LRP1B: variants seen among roughly 807,000 people sequenced by gnomAD.
The protein encoded by LRP1B is low-density lipoprotein receptor-related protein 1B.
A neutral mutation model predicts 556.6 loss-of-function variants in LRP1B; 217 were observed. That is an observed-to-expected ratio of 0.39 (90% confidence interval 0.35 to 0.44). The LOEUF (loss-of-function observed/expected upper bound fraction) is 0.44, where lower values mean the gene tolerates loss of function less well. Ranked by LOEUF, LRP1B falls within the 20% of genes least tolerant of loss-of-function variation. The pLI is 1.00. For synonymous variants in LRP1B, 2,047 were observed against 1,865.8 expected (o/e 1.10, Z -2.50); for missense variants, 5,053 against 5,620.8 (o/e 0.90, Z 3.23).
chr2:141,935,454 G>A (rs1265653268), intron 1 of LRP1B, among the ~76,000 whole-genome samples: 5 of 152,116 alleles, frequency 3.3e-5, no homozygotes, highest in African/African-American at 4.8e-5. Context: ...AAATTTCTTA[G>A]ATGGCCATTA....
In LRP1B at chr2:140,879,698, T is replaced by C. The variant is rs76855643; in HGVS notation, c.4169+4119A>G. Among the ~76,000 whole-genome samples, 575 of 152,172 alleles carry C rather than the reference T, an allele frequency of 3.8e-3. 1 individual carries two copies. The highest frequency in any genetic ancestry group is 0.02 in the Middle Eastern group (6 of 294). ...TTAAAATGCATTAGCATTTCAATAA[T>C]TGCATTATATCCTCAAGTATACAAA... On this transcript the variant is annotated intron_variant, in intron 25 of 90. Coordinates refer to ENST00000389484, the MANE Select transcript of LRP1B (RefSeq NM_018557.3).
intron 1 of LRP1B, among the ~76,000 whole-genome samples, chr2:142,038,336 G>T (rs902385667): frequency 2.1e-4 from 32 of 151,548 alleles, no homozygotes; most frequent in African/African-American, 7.0e-4. Context: ...TATGAATTAG[G>T]ACTAAAGATG....
chr2:141,336,479 G>A (rs1183052104), intron 3 of LRP1B, among the ~76,000 whole-genome samples: 1 of 151,976 alleles, frequency 6.6e-6, no homozygotes, highest in Non-Finnish European at 1.5e-5. Flanking sequence ...TTCCCTTACT[G>A]TCTTACTTTT....
chr2:141,634,229 T>C (rs1558768512), intron 2 of LRP1B, among the ~76,000 whole-genome samples: 2 of 152,124 alleles, frequency 1.3e-5, no homozygotes, highest in East Asian at 3.9e-4. Flanking sequence ...TCTCTTTCCA[T>C]AGAAATAATG....
rs372513001 is a variant in LRP1B, at chr2:141,663,437, A to G, written c.205+146842T>C. Among the ~76,000 whole-genome samples, 24 of 151,976 alleles carry G rather than the reference A, an allele frequency of 1.6e-4. 1 individual carries two copies. In the East Asian group the frequency reaches 4.6e-3, roughly 29 times the overall value. On this transcript the variant is annotated intron_variant, in intron 2 of 90. Transcript: ENST00000389484. ...AAAAAAAAAATTAACAAAATAGACCACTAGCTAGACTAATAAAGAAGAAAA... is the reference window on the plus strand; with the variant it reads ...AAAAAAAAAATTAACAAAATAGACCGCTAGCTAGACTAATAAAGAAGAAAA...
chr2:140,689,837 G>GAT (rs1686176598), intron 41 of LRP1B, among the ~76,000 whole-genome samples: 1 of 152,062 alleles, frequency 6.6e-6, no homozygotes, highest in East Asian at 1.9e-4. Context: ...CTTTCACACG[G>GAT]ATATAACTCA....
intron 1 of LRP1B, among the ~76,000 whole-genome samples, chr2:141,894,266 GA>G (rs1050085504): frequency 4.0e-5 from 6 of 151,548 alleles, no homozygotes; most frequent in East Asian, 3.9e-4. Flanking sequence ...TTACTTACAT[GA>G]AAAAAAATAC....
intron 21 of LRP1B, among the ~76,000 whole-genome samples, chr2:140,912,127 T>C (rs1265811653): frequency 1.3e-5 from 2 of 151,754 alleles, no homozygotes; most frequent in African/African-American, 4.8e-5. Flanking sequence ...TCTCTATTTG[T>C]GTTTGGTTTT....
intron 2 of LRP1B, among the ~76,000 whole-genome samples, chr2:141,799,356 C>T (rs147752523): frequency 1.2e-4 from 19 of 152,210 alleles, no homozygotes; most frequent in African/African-American, 4.1e-4. Context: ...GCCACAGAAG[C>T]GGAAGCCAGG....
At chr2:141,258,890 C>A (rs1298180038) in intron 3 of LRP1B, among the ~76,000 whole-genome samples, 2 of 152,132 alleles carry the variant, frequency 1.3e-5, no homozygotes, top group African/African-American at 4.8e-5. Flanking sequence ...GTACAGCCTG[C>A]AGAACTGTGA....
At chr2:141,218,621 C>A (rs1439766381) in intron 6 of LRP1B, among the ~76,000 whole-genome samples, 1 of 152,000 alleles carries the variant, frequency 6.6e-6, no homozygotes, top group Non-Finnish European at 1.5e-5. Context: ...AAGAGGACTT[C>A]AAAAGAAGGG....
In LRP1B at chr2:140,481,610, T is replaced by TATC. The variant is rs1553472256; in HGVS notation, c.9425+3732_9425+3733insGAT. Among the ~76,000 whole-genome samples the TATC allele has an allele frequency of 8.9e-3, 1,310 of 147,690 alleles. 16 individuals carry two copies. Among genetic ancestry groups the TATC allele is most frequent in the Middle Eastern group, 0.047 (13 of 278 alleles). Reference sequence around the variant, plus strand: ...TTATTATTATTATTATTATTATTATTATTATTATTATTTGGGAACTCCCAA... The same window carrying TATC: ...TTATTATTATTATTATTATTATTATTATCATTATTATTATTTGGGAACTCCCAA... On this transcript the variant is annotated intron_variant, in intron 59 of 90. Coordinates refer to ENST00000389484, the MANE Select transcript of LRP1B (RefSeq NM_018557.3).
At chr2:140,596,126 ATC>A (rs1204796367) in intron 43 of LRP1B, among the ~76,000 whole-genome samples, 1 of 152,178 alleles carries the variant, frequency 6.6e-6, no homozygotes, top group African/African-American at 2.4e-5. Flanking sequence ...TTGCTGTAAC[ATC>A]TGTCTAAGGC....
intron 3 of LRP1B, among the ~76,000 whole-genome samples, chr2:141,439,601 T>C (rs958474104): frequency 3.3e-5 from 5 of 152,106 alleles, no homozygotes; most frequent in Admixed American, 3.3e-4. Flanking sequence ...CATGGCACAA[T>C]AGGTCAATAG....
chr2:142,121,148 C>T (rs1304166799), intron 1 of LRP1B, among the ~76,000 whole-genome samples: 3 of 152,130 alleles, frequency 2.0e-5, no homozygotes, highest in Non-Finnish European at 4.4e-5. Context: ...ATGCAAATCT[C>T]TGTTGTAGCT....
chr2:141,105,069 A>G (rs1171603483), intron 7 of LRP1B, among the ~76,000 whole-genome samples: 2 of 152,120 alleles, frequency 1.3e-5, no homozygotes, highest in Non-Finnish European at 2.9e-5. Context: ...ACTGTATTAT[A>G]GTAATATCCA....
At chr2:141,038,913 T>C (rs1698617488) in intron 11 of LRP1B, among the ~76,000 whole-genome samples, 1 of 151,980 alleles carries the variant, frequency 6.6e-6, no homozygotes, top group Admixed American at 6.6e-5. Context: ...TGTAAGAAAA[T>C]TACCAATCAG....
At chr2:141,860,810 T>A (rs970704705) in intron 1 of LRP1B, among the ~76,000 whole-genome samples, 8 of 152,198 alleles carry the variant, frequency 5.3e-5, no homozygotes, top group African/African-American at 1.7e-4. Context: ...CATTTTGATA[T>A]GTATCATTAC....
chr2:141,494,149 A>T (rs1683431581), intron 2 of LRP1B, among the ~76,000 whole-genome samples: 1 of 152,178 alleles, frequency 6.6e-6, no homozygotes, highest in Non-Finnish European at 1.5e-5. Flanking sequence ...AGGCCTGGTT[A>T]GCTCAGCAGG....
Sources: allele counts gnomAD v4.1 joint callset (sites outside exome capture counted in the v4.1 genomes callset), GRCh38; gene constraint gnomAD v4.1.1; transcripts MANE v1.5; gene names NCBI Gene and HGNC (gene_info 2026-07-23, HGNC 2026-07-21).